The following KCTD19 variants were observed in gnomAD, a reference collection of about 807,000 sequenced individuals.
KCTD19 encodes potassium channel tetramerization domain containing 19.
In KCTD19, 67 loss-of-function variants were observed where a neutral mutation model predicts 103.5. The observed-to-expected ratio is 0.65, with a 90% CI of 0.53 to 0.79. The LOEUF (loss-of-function observed/expected upper bound fraction) is 0.79, where lower values mean the gene tolerates loss of function less well. KCTD19 is among the 30% of genes least tolerant of loss of function. The pLI is 0.00. For synonymous variants in KCTD19, 439 were observed against 452.2 expected, an observed-to-expected ratio of 0.97 and a Z score of 0.37; for missense variants, 980 against 1,136.1, an observed-to-expected ratio of 0.86 and a Z score of 1.98.
rs1158128198 is a variant in KCTD19, at chr16:67,294,017, G to A, written c.1745C>T (p.Ala582Val). The change falls in exon 12 of 16, where the codon GCT becomes GTT. Residue 582 changes from alanine to valine, a missense_variant. Transcript: ENST00000304372. ...GTGTGAGTATGTGCTAGGGTTGCCA[G>A]CCCTCTTGGCATTTCGGCATAGGGA... Reference protein sequence around the residue: ...QVSLCRNAKRAGNPSTYSHCR... With the variant: ...QVSLCRNAKRVGNPSTYSHCR... 3.1e-6 allele frequency: 5 copies of A among 1,614,072 alleles called. No homozygotes were observed. The highest frequency in any genetic ancestry group is 4.2e-6 in the Non-Finnish European group (5 of 1,180,042).
intron 2 of KCTD19, among the ~76,000 whole-genome samples, chr16:67,316,533 C>G (rs2037015114): frequency 6.6e-6 from 1 of 152,056 alleles, no homozygotes; most frequent in African/African-American, 2.4e-5. Flanking sequence ...TAGCAATATA[C>G]TTTTGTTTAA....
intron 14 of KCTD19, 142 bp from the exon 15 acceptor site, chr16:67,291,128 G>A (rs551080602): frequency 2.2e-5 from 26 of 1,182,422 alleles, no homozygotes; most frequent in Admixed American, 2.2e-5. Flanking sequence ...CCTCTTGGCC[G>A]AGGCTCAGTC....
In KCTD19 at chr16:67,291,432, C is replaced by G. The variant is rs1452924091; in HGVS notation, c.2442G>C (p.Trp814Cys). 6.2e-7 allele frequency: 1 copy of G among 1,614,016 alleles called. No individual in the cohort carries two copies. The highest frequency in any genetic ancestry group is 8.5e-7 in the Non-Finnish European group (1 of 1,179,996). ...EVTFLSFSLSWEEMFYAQKCH... is the reference protein window; with the variant it reads ...EVTFLSFSLSCEEMFYAQKCH... Reference sequence around the variant, plus strand: ...ATTTCTGTGCATAAAACATCTCTTCCCAGGACAGAGAGAAACTCAGGAAAG... The same window carrying G: ...ATTTCTGTGCATAAAACATCTCTTCGCAGGACAGAGAGAAACTCAGGAAAG... Residue 814 changes from tryptophan to cysteine, a missense_variant, in exon 14 of 16, where the codon TGG becomes TGC. Coordinates refer to ENST00000304372, the MANE Select transcript of KCTD19 (RefSeq NM_001100915.3).
At chr16:67,289,909 C>G (rs1010643708) in intron 15 of KCTD19, among the ~76,000 whole-genome samples, 1 of 152,194 alleles carries the variant, frequency 6.6e-6, no homozygotes, top group Non-Finnish European at 1.5e-5. Flanking sequence ...CTGTTTCCTG[C>G]TACTGGTTTT....
chr16:67,304,667 C>CTTT, intron 2 of KCTD19, 96 bp from the exon 3 acceptor site: 50 of 851,442 alleles, frequency 5.9e-5, no homozygotes, highest in Non-Finnish European at 7.0e-5. Flanking sequence ...ATGTGACTTA[C>CTTT]TTTTTTTTTT....
chr16:67,326,634 A>G (rs764284731), intron 1 of KCTD19, 71 bp downstream of exon 1: 38 of 1,543,702 alleles, frequency 2.5e-5, no homozygotes, highest in Non-Finnish European at 2.9e-5. Context: ...CTTAGCCCCA[A>G]TCCTTGGCCA....
At chr16:67,290,845 C>A in intron 15 of KCTD19, 40 bp downstream of exon 15, 1 of 1,554,222 alleles carries the variant, frequency 6.4e-7, no homozygotes, top group South Asian at 1.2e-5. Context: ...GAGGCATCCA[C>A]AGGGTCGGTG....
intron 8 of KCTD19, 42 bp downstream of exon 8, chr16:67,296,117 G>T: frequency 8.7e-7 from 1 of 1,153,570 alleles, no homozygotes; most frequent in Non-Finnish European, 1.3e-6. Context: ...AGCTCAGGTG[G>T]TGATGCCAGA....
chr16:67,321,485 A>G (rs996147936), intron 1 of KCTD19, among the ~76,000 whole-genome samples: 1 of 152,238 alleles, frequency 6.6e-6, no homozygotes, highest in Non-Finnish European at 1.5e-5. Context: ...TAAGATGGCA[A>G]TAGTCTCCCA....
At chr16:67,295,983 T>C (rs183989603) in intron 8 of KCTD19, 176 bp downstream of exon 8, 1 of 578,524 alleles carries the variant, frequency 1.7e-6, no homozygotes, top group African/African-American at 1.9e-5. Flanking sequence ...GATCTCGTGA[T>C]CTGCCCACCT....
At chr16:67,311,762 TA>T (rs2036952002) in intron 2 of KCTD19, among the ~76,000 whole-genome samples, 1 of 151,994 alleles carries the variant, frequency 6.6e-6, no homozygotes, top group African/African-American at 2.4e-5. Flanking sequence ...TGCCTGCATG[TA>T]GGTGTGTGTC....
Position 67,320,725 on chromosome 16 carries a change from A to G in KCTD19, c.164T>C (p.Phe55Ser). 6.2e-7 allele frequency: 1 copy of G among 1,614,202 alleles called. No individual in the cohort carries two copies. The highest frequency in any genetic ancestry group is 8.5e-7 in the Non-Finnish European group (1 of 1,180,030). The change falls in exon 2 of 16, where the codon TTT becomes TCT. Residue 55 changes from phenylalanine (F) to serine (S), a missense_variant. Physicochemically the swap from Phe to Ser is radical, Grantham distance 155. Transcript: ENST00000304372. The surrounding 1 kb of genome is among the most constrained non-coding windows in gnomAD (Gnocchi z 4.0). ...AAATGTGGAACCATCTCTGTCGATA[A>G]ATAGCCTCTGGCTTTCTGAAGAGGT... The part of the protein sequence containing the change: ...ALTSSESQRL[F>S]IDRDGSTFRH...
At position 67,314,586 on chromosome 16, in the gene KCTD19, T is replaced by C. The variant is rs372842247; in HGVS notation, c.300+6003A>G. ...GGTGCCATTTTATTTATTTATTTGT[T>C]TGTTTGTTTGTTATAGAGATGGGGC... On this transcript the variant is annotated intron_variant, in intron 2 of 15. Transcript: ENST00000304372. 1.2e-3 allele frequency among the ~76,000 whole-genome samples: 189 copies of C among 151,890 alleles called. 4 individuals carry two copies. The South Asian group carries it at 0.037, about 30-fold the overall frequency.
In KCTD19 at chr16:67,320,769, C is replaced by G; in HGVS notation, c.120G>C (p.Trp40Cys). ...AAGAGGTCAAGGCTGAAGCCTCTTT[C>G]CACAGCAGGGAGTCTGGAAACTGAG... ...KLSQFPDSLL[W>C]KEASALTSSE... is the part of the protein sequence containing the mutation. The change falls in exon 2 of 16, where the codon TGG becomes TGC. Residue 40 changes from tryptophan (W) to cysteine (C), a missense_variant. By Grantham distance (215) the Trp-to-Cys change is radical. Coordinates refer to ENST00000304372, the MANE Select transcript of KCTD19 (RefSeq NM_001100915.3). The surrounding 1 kb of genome is among the most constrained non-coding windows in gnomAD (Gnocchi z 4.0). 6.2e-7 allele frequency: 1 copy of G among 1,614,184 alleles called. No homozygotes were observed. Among genetic ancestry groups the G allele is most frequent in the Non-Finnish European group, 8.5e-7 (1 of 1,180,020 alleles).
In KCTD19 at chr16:67,294,172, C is replaced by T. The variant is rs372761904; in HGVS notation, c.1591-1G>A. On this transcript the variant is annotated splice_acceptor_variant, in intron 11 of 15. Coordinates refer to ENST00000304372, the MANE Select transcript of KCTD19 (RefSeq NM_001100915.3). LOFTEE classifies it high-confidence loss of function. ...AGTCCACAGGCATGTAGGCTGTGGTCTGGGGAGGGAAGGGCACAGTAACTC... is the reference window on the plus strand; with the variant it reads ...AGTCCACAGGCATGTAGGCTGTGGTTTGGGGAGGGAAGGGCACAGTAACTC... 8 of 1,597,250 alleles carry T rather than the reference C, an allele frequency of 5.0e-6. No homozygotes were observed. Among genetic ancestry groups the T allele is most frequent in the Non-Finnish European group, 6.9e-6 (8 of 1,166,558 alleles).
At chr16:67,302,147 C>T (rs2036841204) in intron 4 of KCTD19, 2 of 432,818 alleles carry the variant, frequency 4.6e-6, no homozygotes, top group Non-Finnish European at 8.4e-6. Context: ...GGTGTGGCCT[C>T]CCGTGGCTTG....
chr16:67,303,031 A>G lies in KCTD19; in HGVS notation c.643+115T>C. The G allele has an allele frequency of 1.0e-6, 1 of 966,912 alleles. No homozygotes were observed. 59.9% of individuals were successfully genotyped at this position (966,912 alleles called of 1,614,324 possible). On this transcript the variant is annotated intron_variant, in intron 4 of 15. Coordinates refer to ENST00000304372, the MANE Select transcript of KCTD19 (RefSeq NM_001100915.3). The surrounding 1 kb of genome is among the most constrained non-coding windows in gnomAD (Gnocchi z 4.3). The stretch of plus-strand genomic sequence containing the variant: ...TGTCATGCTTCCGCTACCTCTGCCC[A>G]GGGAAGCTCCTGAGGCCCTGAGCAC...
Position 67,290,952 on chromosome 16 carries a change from T to G in KCTD19, c.2600A>C (p.Asp867Ala), listed in dbSNP as rs377127093. The G allele has an allele frequency of 1.4e-5, 23 of 1,614,112 alleles. No homozygotes were observed. The highest frequency in any genetic ancestry group is 1.9e-5 in the Non-Finnish European group (23 of 1,180,006). ...CTTGAAGCCGGTGATGGCCAGCAAATCTACCACAAACTGCTTGGGGCTGAT... is the reference window on the plus strand; with the variant it reads ...CTTGAAGCCGGTGATGGCCAGCAAAGCTACCACAAACTGCTTGGGGCTGAT... ...LHISPKQFVV[D>A]LLAITGFKDD... Residue 867 changes from aspartate to alanine, a missense_variant, in exon 15 of 16, where the codon GAT (aspartate) becomes GCT (alanine). By Grantham distance (126) the Asp-to-Ala change is moderately radical. Transcript: ENST00000304372.
chr16:67,303,170 C>G lies in KCTD19; in HGVS notation c.619G>C (p.Glu207Gln), dbSNP rs369923393. 1.3e-6 allele frequency: 2 copies of G among 1,489,104 alleles called. No individual in the cohort carries two copies. Among genetic ancestry groups the G allele is most frequent in the African/African-American group, 1.4e-5 (1 of 70,350 alleles). The allele number at this position is 1,489,104 out of a possible 1,614,324, so 92.2% of individuals were successfully genotyped here. A position where few individuals can be genotyped will look rare whatever the true frequency, so the allele number is the denominator to read the frequency against. Residue 207 changes from glutamate to glutamine, a missense_variant, in exon 4 of 16, where the codon GAG (glutamate) becomes CAG (glutamine). Coordinates refer to ENST00000304372, the MANE Select transcript of KCTD19 (RefSeq NM_001100915.3). The surrounding 1 kb of genome is among the most constrained non-coding windows in gnomAD (Gnocchi z 4.3). ...LAETVALIECECSEFRFIVNF... is the reference protein window; with the variant it reads ...LAETVALIECQCSEFRFIVNF... Reference sequence around the variant, plus strand: ...CCAATGAAGCGGAACTCGCTGCACTCGCACTCGATGAGGGCCACCGTCTCA... The same window carrying G: ...CCAATGAAGCGGAACTCGCTGCACTGGCACTCGATGAGGGCCACCGTCTCA...
Sources: allele counts gnomAD v4.1 joint callset (sites outside exome capture counted in the v4.1 genomes callset), GRCh38; gene constraint gnomAD v4.1.1; non-coding constraint Gnocchi (gnomAD v3.1); transcripts MANE v1.5; gene names NCBI Gene and HGNC (gene_info 2026-07-23, HGNC 2026-07-21).